Variants in TBC1D1 observed in about 807,000 individuals in gnomAD.
The protein encoded by TBC1D1 is TBC1 domain family member 1, also known as TBC1 (tre-2/USP6, BUB2, cdc16) domain family, member 1.
In TBC1D1, 89 loss-of-function variants were observed where a neutral mutation model predicts 125.6. The observed-to-expected ratio is 0.71, with a 90% confidence interval of 0.60 to 0.85. The LOEUF (loss-of-function observed/expected upper bound fraction) is 0.85, where lower values mean the gene tolerates loss of function less well. TBC1D1 is among the 40% of genes least tolerant of loss of function. The pLI is 0.00. For missense variants in TBC1D1, 1,377 were observed against 1,469.2 expected (o/e 0.94, Z 1.03); for synonymous variants, 565 against 564.1 (o/e 1.00, Z -0.02).
intron 2 of TBC1D1, among the ~76,000 whole-genome samples, chr4:37,982,871 G>C (rs1734628645): frequency 1.3e-5 from 2 of 152,136 alleles, no homozygotes; most frequent in South Asian, 4.1e-4. Flanking sequence ...ATTGACGAAT[G>C]TACTAAGCAG....
At chr4:37,906,877 C>T (rs1717462203) in intron 2 of TBC1D1, among the ~76,000 whole-genome samples, 1 of 152,162 alleles carries the variant, frequency 6.6e-6, no homozygotes, top group Non-Finnish European at 1.5e-5. Context: ...TCTTTTCACT[C>T]CTCAAAGTTG....
intron 14 of TBC1D1, among the ~76,000 whole-genome samples, chr4:38,099,585 G>A (rs1324128831): frequency 6.6e-6 from 1 of 152,110 alleles, no homozygotes; most frequent in Admixed American, 6.5e-5. Context: ...TATACCTCTT[G>A]CATTTCAGAG....
At chr4:38,027,241 A>G (rs1240600357) in intron 6 of TBC1D1, among the ~76,000 whole-genome samples, 1 of 152,216 alleles carries the variant, frequency 6.6e-6, no homozygotes, top group Admixed American at 6.5e-5. Flanking sequence ...TGAGAATTAA[A>G]TGGTGCAAGC....
chr4:38,057,574 C>T (rs544053441), intron 12 of TBC1D1, among the ~76,000 whole-genome samples: 46 of 152,240 alleles, frequency 3.0e-4, no homozygotes, highest in Middle Eastern at 3.4e-3. Context: ...AACCAAGCCG[C>T]CTGAATTTCT....
intron 2 of TBC1D1, among the ~76,000 whole-genome samples, chr4:37,985,343 G>C (rs1391630205): frequency 6.6e-6 from 1 of 152,152 alleles, no homozygotes; most frequent in Non-Finnish European, 1.5e-5. Flanking sequence ...TTGGAAGAGT[G>C]GTGAACAAGT....
intron 7 of TBC1D1, among the ~76,000 whole-genome samples, chr4:38,033,448 C>G (rs1022103404): frequency 6.6e-6 from 1 of 151,962 alleles, no homozygotes; most frequent in Non-Finnish European, 1.5e-5. Flanking sequence ...GTACAGAGTT[C>G]CCGTATTAGC....
chr4:38,095,987 C>T lies in TBC1D1; in HGVS notation c.2295C>T (p.Pro765=), dbSNP rs145804193. Residue 765 remains proline (P), a synonymous_variant, in exon 14 of 20, where the codon CCC becomes CCT. Coordinates refer to ENST00000261439, the MANE Select transcript of TBC1D1 (RefSeq NM_015173.4). ...AGCTCGATTATGAAGAAATTACTCC[C>T]TGTCTTAAAGAAGTAACTACAGTGT... 24 of 1,613,936 alleles carry T rather than the reference C, an allele frequency of 1.5e-5. No homozygotes were observed. The African/African-American group carries it at 3.2e-4, about 22-fold the overall frequency.
At chr4:37,941,212 G>T (rs1009280668) in intron 2 of TBC1D1, among the ~76,000 whole-genome samples, 1 of 152,138 alleles carries the variant, frequency 6.6e-6, no homozygotes, top group Non-Finnish European at 1.5e-5. Flanking sequence ...CCTGTTATTG[G>T]TCTATTCAGG....
chr4:37,955,308 C>A (rs76213646), intron 2 of TBC1D1, among the ~76,000 whole-genome samples: 2 of 152,118 alleles, frequency 1.3e-5, no homozygotes, highest in Non-Finnish European at 2.9e-5. Context: ...CACATACATA[C>A]CTCTCTATGT....
chr4:37,961,077 G>A (rs1729953713), intron 2 of TBC1D1: 1 of 1,576,060 alleles, frequency 6.3e-7, no homozygotes, highest in African/African-American at 1.4e-5. Context: ...GTGTGTACTT[G>A]TATTAATAAA....
intron 2 of TBC1D1, among the ~76,000 whole-genome samples, chr4:37,988,797 G>A (rs535995159): frequency 6.6e-6 from 1 of 152,216 alleles, no homozygotes; most frequent in South Asian, 2.1e-4. Context: ...TCAGTCAAGG[G>A]CATTCCAGAG....
At chr4:37,907,251 T>C (rs73810034) in intron 2 of TBC1D1, among the ~76,000 whole-genome samples, 4,021 of 152,258 alleles carry the variant, frequency 0.026, 163 homozygotes, top group African/African-American at 0.091. Context: ...TTTTAGAAAA[T>C]TGTGGATCTT....
intron 10 of TBC1D1, among the ~76,000 whole-genome samples, chr4:38,047,892 A>T (rs975408120): frequency 6.6e-6 from 1 of 152,210 alleles, no homozygotes; most frequent in Non-Finnish European, 1.5e-5. Flanking sequence ...GAAGACATTC[A>T]TGTCACTCAG....
chr4:38,020,222 C>CGA (rs1398649161), intron 4 of TBC1D1, among the ~76,000 whole-genome samples: 1 of 152,110 alleles, frequency 6.6e-6, no homozygotes, highest in Non-Finnish European at 1.5e-5. Context: ...CGCAGTGGTT[C>CGA]ACGCCTGTAA....
chr4:38,092,258 G>A (rs529100456), intron 13 of TBC1D1, among the ~76,000 whole-genome samples: 199 of 152,228 alleles, frequency 1.3e-3, no homozygotes, highest in African/African-American at 4.5e-3. Flanking sequence ...GCAAAATGAT[G>A]TATAATGAAA....
intron 2 of TBC1D1, among the ~76,000 whole-genome samples, chr4:37,953,587 C>T (rs897699043): frequency 6.6e-6 from 1 of 152,092 alleles, no homozygotes; most frequent in African/African-American, 2.4e-5. Context: ...TTAATCATGA[C>T]TTGAATAAGA....
At position 38,133,016 on chromosome 4, in the gene TBC1D1, A is replaced by C. The variant is rs531340539; in HGVS notation, c.3133-68A>C. On this transcript the variant is annotated intron_variant, in intron 18 of 19. Transcript: ENST00000261439. ...CACAGGTGCGCATTGTCGTGATTGC[A>C]GACGCCTGCCTGTACTTGTGGGGTT... is the stretch of plus-strand genomic sequence containing the variant. The C allele has an allele frequency of 1.8e-5, 26 of 1,448,572 alleles. 1 individual carries two copies. The highest frequency in any genetic ancestry group is 2.2e-5 in the Non-Finnish European group (23 of 1,060,212). 89.7% of individuals were successfully genotyped at this position (1,448,572 alleles called of 1,614,324 possible). A position where few individuals can be genotyped will look rare whatever the true frequency, so the allele number is the denominator to read the frequency against.
intron 10 of TBC1D1, 95 bp downstream of exon 10, chr4:38,045,998 C>A: frequency 8.9e-7 from 1 of 1,127,784 alleles, no homozygotes; most frequent in Non-Finnish European, 1.3e-6. Context: ...AAAACGTTTG[C>A]TGCTTGCAAA....
At chr4:37,996,070 G>T in intron 2 of TBC1D1, 1 of 512,182 alleles carries the variant, frequency 2.0e-6, no homozygotes, top group Non-Finnish European at 3.9e-6. Context: ...CCTTTTGCAA[G>T]GCCTATGTGG....
Sources: allele counts gnomAD v4.1 joint callset (sites outside exome capture counted in the v4.1 genomes callset), GRCh38; gene constraint gnomAD v4.1.1; transcripts MANE v1.5; gene names NCBI Gene and HGNC (gene_info 2026-07-23, HGNC 2026-07-21).